The following COL5A1 variants were observed in gnomAD, a reference collection of about 807,000 sequenced individuals.
COL5A1 encodes collagen alpha-1(V) chain.
A neutral mutation model predicts 263.7 loss-of-function variants in COL5A1; 16 were observed. The observed-to-expected ratio is 0.06, with a 90% confidence interval of 0.04 to 0.09. COL5A1 has a LOEUF of 0.09. Among genes scored for constraint, COL5A1 ranks in the 10% least tolerant of loss-of-function variants. COL5A1 has a pLI of 1.00. For missense variants in COL5A1, 2,036 were observed against 2,540.5 expected (o/e 0.80, Z 4.27); for synonymous variants, 1,012 against 1,004.5 (o/e 1.01, Z -0.14).
At chr9:134,739,587 C>T (rs1037580309) in intron 11 of COL5A1, among the ~76,000 whole-genome samples, 4 of 152,102 alleles carry the variant, frequency 2.6e-5, no homozygotes, top group Admixed American at 6.5e-5. Context: ...GAAGGTGGTT[C>T]GTGATGTCAG....
At chr9:134,766,935 G>T in intron 22 of COL5A1, 65 bp from the exon 23 acceptor site, 2 of 1,474,910 alleles carry the variant, frequency 1.4e-6, no homozygotes, top group South Asian at 2.3e-5. Context: ...GGGGGCACAC[G>T]ACACCCAGGA....
At position 134,843,602 on chromosome 9, in the gene COL5A1, T is replaced by G. The variant is rs568093639; in HGVS notation, c.*1299T>G. ...GTGCGTCCACTCCCGAGGGCTGTTA[T>G]GAGGACTGGGTTGTGCCTACTTGAT... On this transcript the variant is annotated 3_prime_UTR_variant, in exon 66 of 66. Transcript: ENST00000371817. The G allele has an allele frequency of 1.3e-5, 2 of 152,820 alleles. No individual in the cohort carries two copies. Among genetic ancestry groups the G allele is most frequent in the Admixed American group, 6.5e-5 (1 of 15,312 alleles). The allele number at this position is 152,820 out of a possible 1,614,324, so 9.5% of individuals were successfully genotyped here.
chr9:134,756,871 T>A, intron 17 of COL5A1, 53 bp downstream of exon 17: 1 of 1,565,202 alleles, frequency 6.4e-7, no homozygotes, highest in South Asian at 1.1e-5. Context: ...ATCCCTGGGG[T>A]CATGTTGATG....
chr9:134,830,065 T>C (rs1461902901), intron 64 of COL5A1, 21 bp downstream of exon 64: 3 of 1,613,870 alleles, frequency 1.9e-6, no homozygotes, highest in African/African-American at 1.3e-5. Context: ...CTCTGGCGTC[T>C]TTGCGGTTGT....
At chr9:134,809,862 A>G (rs1046696846) in intron 43 of COL5A1, among the ~76,000 whole-genome samples, 1 of 152,172 alleles carries the variant, frequency 6.6e-6, no homozygotes, top group Admixed American at 6.5e-5. Context: ...AATGCCTTAC[A>G]TCTCCGGGCG....
chr9:134,655,051 T>G (rs1456850767), intron 1 of COL5A1, among the ~76,000 whole-genome samples: 4 of 60,606 alleles, frequency 6.6e-5, no homozygotes, highest in East Asian at 4.9e-4. Context: ...GTAGGGCTGG[T>G]GTGTGTAGGG....
chr9:134,763,355 C>T (rs1213449970), intron 19 of COL5A1, among the ~76,000 whole-genome samples: 1 of 152,220 alleles, frequency 6.6e-6, no homozygotes, highest in Non-Finnish European at 1.5e-5. Context: ...TGACTCTCCC[C>T]TGATGCCCTG....
chr9:134,675,681 T>C (rs543408488), intron 1 of COL5A1, among the ~76,000 whole-genome samples: 1 of 152,174 alleles, frequency 6.6e-6, no homozygotes, highest in South Asian at 2.1e-4. Context: ...GAGTGGCTTG[T>C]TTGGGGCTGG....
At chr9:134,767,177 C>G in intron 23 of COL5A1, 124 bp downstream of exon 23, 4 of 1,402,980 alleles carry the variant, frequency 2.9e-6, no homozygotes, top group South Asian at 1.2e-5. Context: ...CTCCCCTTAT[C>G]TGGAGGGAGA....
In COL5A1 at chr9:134,700,853, A is replaced by G. The variant is rs983143314; in HGVS notation, c.492-318A>G. Among the ~76,000 whole-genome samples, 1 of 152,044 alleles carries G rather than the reference A, an allele frequency of 6.6e-6. No homozygotes were observed. The highest frequency in any genetic ancestry group is 1.5e-5 in the Non-Finnish European group (1 of 67,994). ...CGCAGGGACCACGCTCCCAGGGACC[A>G]CACTCCTGGGTCCCGAGCCAGTGCC... On this transcript the variant is annotated intron_variant, in intron 3 of 65. Coordinates refer to ENST00000371817, the MANE Select transcript of COL5A1 (RefSeq NM_000093.5). The surrounding 1 kb of genome is among the most constrained non-coding windows in gnomAD (Gnocchi z 4.0).
chr9:134,794,551 C>T lies in COL5A1; in HGVS notation c.2701-531C>T, dbSNP rs1172583481. 8.5e-5 allele frequency among the ~76,000 whole-genome samples: 13 copies of T among 152,240 alleles called. No individual in the cohort carries two copies. Among genetic ancestry groups the T allele is most frequent in the African/African-American group, 2.4e-5 (1 of 41,546 alleles). ...GTATAAATTCTATTAGAGGAGAAGC[C>T]GATGACTCTTGGATATATGATTTAT... On this transcript the variant is annotated intron_variant, in intron 32 of 65. Coordinates refer to ENST00000371817, the MANE Select transcript of COL5A1 (RefSeq NM_000093.5). This position sits in a 1 kb window ranked among gnomAD's most constrained non-coding sequence, Gnocchi z 4.3.
chr9:134,812,319 C>A, intron 46 of COL5A1, 130 bp from the exon 47 acceptor site: 1 of 895,478 alleles, frequency 1.1e-6, no homozygotes, highest in Non-Finnish European at 1.8e-6. Context: ...GGTAGCTATG[C>A]ACAGAGAAGC....
chr9:134,808,597 G>A (rs1324524977), intron 42 of COL5A1, among the ~76,000 whole-genome samples: 2 of 151,432 alleles, frequency 1.3e-5, no homozygotes, highest in African/African-American at 4.9e-5. Flanking sequence ...ATTCACACGT[G>A]TGCACATGCG....
At chr9:134,732,308 C>A in intron 9 of COL5A1, 181 bp downstream of exon 9, 1 of 700,280 alleles carries the variant, frequency 1.4e-6, no homozygotes, top group Non-Finnish European at 2.6e-6. Context: ...TGTGAAGAAT[C>A]CCCTTGGGTA....
rs368729149 is a variant in COL5A1, at chr9:134,679,699, TA to T, written c.110-11212del. Among the ~76,000 whole-genome samples the T allele has an allele frequency of 2.3e-3, 263 of 115,656 alleles. 3 individuals are homozygous for T. The highest frequency in any genetic ancestry group is 8.6e-3 in the African/African-American group (245 of 28,484). The allele number at this position is 115,656 out of a possible 152,430, so 75.9% of individuals were successfully genotyped here. A position where few individuals can be genotyped will look rare whatever the true frequency, so the allele number is the denominator to read the frequency against. On this transcript the variant is annotated intron_variant, in intron 1 of 65. Transcript: ENST00000371817. ...CTTCTTGGGGCACTGCGGGGCTGGT[TA>T]GGGGGCACTGCAGAGCTGGTTACGG...
intron 1 of COL5A1, among the ~76,000 whole-genome samples, chr9:134,685,871 TCATC>T (rs1192686687): frequency 7.0e-6 from 1 of 142,842 alleles, no homozygotes; most frequent in African/African-American, 2.7e-5. Flanking sequence ...CCATCGTCCA[TCATC>T]CATCCATCCA....
At chr9:134,756,648 T>G in intron 16 of COL5A1, 117 bp from the exon 17 acceptor site, 8 of 1,123,472 alleles carry the variant, frequency 7.1e-6, no homozygotes, top group Non-Finnish European at 9.5e-6. Context: ...GCTGTGACCT[T>G]GGGGGTGGGC....
rs1034369345 is a variant in COL5A1, at chr9:134,843,979, C to T, written c.*1676C>T. On this transcript the variant is annotated 3_prime_UTR_variant, in exon 66 of 66. Coordinates refer to ENST00000371817, the MANE Select transcript of COL5A1 (RefSeq NM_000093.5). The stretch of plus-strand genomic sequence containing the variant: ...GGGCTGCCGTCTGTGGGCAGGAGGA[C>T]CCGAGGGGCAGCCAGGAAAGGCGAT... 1 of 152,254 alleles carries T rather than the reference C, an allele frequency of 6.6e-6. No individual in the cohort carries two copies. The highest frequency in any genetic ancestry group is 2.4e-5 in the African/African-American group (1 of 41,452). 9.4% of individuals were successfully genotyped at this position (152,254 alleles called of 1,614,324 possible). A position where few individuals can be genotyped will look rare whatever the true frequency, so the allele number is the denominator to read the frequency against.
rs191715678 is a variant in COL5A1 at position 134,758,155 on chromosome 9, C to A, written c.1882-88C>A. 2.9e-6 allele frequency: 4 copies of A among 1,361,668 alleles called. No homozygotes were observed. Among genetic ancestry groups the A allele is most frequent in the African/African-American group, 1.4e-5 (1 of 70,004 alleles). 84.3% of individuals were successfully genotyped at this position (1,361,668 alleles called of 1,614,324 possible). A position where few individuals can be genotyped will look rare whatever the true frequency, so the allele number is the denominator to read the frequency against. ...ATGCTGTGTGAAACGTGGTCCAAGG[C>A]GGGGCGGCCATCACTTGGTGGACAC... On this transcript the variant is annotated intron_variant, in intron 17 of 65. Transcript: ENST00000371817. The surrounding 1 kb of genome is among the most constrained non-coding windows in gnomAD (Gnocchi z 4.1).
Sources: allele counts gnomAD v4.1 joint callset (sites outside exome capture counted in the v4.1 genomes callset), GRCh38; gene constraint gnomAD v4.1.1; non-coding constraint Gnocchi (gnomAD v3.1); transcripts MANE v1.5; gene names NCBI Gene and HGNC (gene_info 2026-07-23, HGNC 2026-07-21).